The following B3GALT1 variants were observed in gnomAD, a reference collection of about 807,000 sequenced individuals.
B3GALT1 encodes UDP-Gal:betaGlcNAc beta 1,3-galactosyltransferase, polypeptide 1.
In B3GALT1, 10 loss-of-function variants were observed where a neutral mutation model predicts 23.2. That is an observed-to-expected ratio of 0.43 (90% CI 0.27 to 0.73). B3GALT1 has a LOEUF of 0.73. Among genes scored for constraint, B3GALT1 ranks in the 30% least tolerant of loss-of-function variants. B3GALT1 has a pLI of 0.21. For synonymous variants in B3GALT1, 156 were observed against 141.5 expected (o/e 1.10, Z -0.73); for missense variants, 299 against 405.4 (o/e 0.74, Z 2.25).
chr2:167,764,682 T>A (rs1010797538), intron 3 of B3GALT1, among the ~76,000 whole-genome samples: 1 of 152,234 alleles, frequency 6.6e-6, no homozygotes, highest in Non-Finnish European at 1.5e-5. Flanking sequence ...TTTTCTGATG[T>A]ATTTCACATT....
chr2:167,510,580 C>T (rs1168680106), intron 2 of B3GALT1, among the ~76,000 whole-genome samples: 1 of 152,056 alleles, frequency 6.6e-6, no homozygotes, highest in African/African-American at 2.4e-5. Flanking sequence ...CATTCTTTCC[C>T]AGATGTGTTA....
chr2:167,353,473 A>G (rs918377460), intron 1 of B3GALT1, among the ~76,000 whole-genome samples: 1 of 151,846 alleles, frequency 6.6e-6, no homozygotes, highest in Non-Finnish European at 1.5e-5. Flanking sequence ...AGATGGCCAA[A>G]TGGCTGTTTC....
chr2:167,739,824 C>CTCACAGCTGT (rs1687549526), intron 3 of B3GALT1, among the ~76,000 whole-genome samples: 1 of 151,094 alleles, frequency 6.6e-6, no homozygotes. Context: ...GGCACAGGGA[C>CTCACAGCTGT]TCACAGCTGT....
chr2:167,439,090 T>A (rs532360846), intron 1 of B3GALT1, among the ~76,000 whole-genome samples: 1 of 152,254 alleles, frequency 6.6e-6, no homozygotes, highest in Non-Finnish European at 1.5e-5. Flanking sequence ...TATTATTGCT[T>A]CTTTTTTCTT....
At chr2:167,298,650 G>T (rs1696395202) in intron 1 of B3GALT1, among the ~76,000 whole-genome samples, 3 of 152,116 alleles carry the variant, frequency 2.0e-5, no homozygotes, top group African/African-American at 7.2e-5. Flanking sequence ...GGATAGAATA[G>T]AATTGCTAAA....
intron 3 of B3GALT1, among the ~76,000 whole-genome samples, chr2:167,726,605 T>A (rs1475945729): frequency 6.6e-6 from 1 of 152,216 alleles, no homozygotes; most frequent in Non-Finnish European, 1.5e-5. Context: ...AGATTAAATA[T>A]TTTATATACT....
At chr2:167,774,908 A>G (rs1472405860) in intron 3 of B3GALT1, among the ~76,000 whole-genome samples, 3 of 152,264 alleles carry the variant, frequency 2.0e-5, no homozygotes, top group Non-Finnish European at 4.4e-5. Context: ...TGCAAATTAA[A>G]GTAGCAATAG....
At chr2:167,850,236 C>T (rs1689853276) in intron 4 of B3GALT1, among the ~76,000 whole-genome samples, 1 of 152,136 alleles carries the variant, frequency 6.6e-6, no homozygotes, top group African/African-American at 2.4e-5. Flanking sequence ...GGGCTTAGGA[C>T]ATGCATAGAC....
chr2:167,528,082 C>A (rs11897803), intron 2 of B3GALT1, among the ~76,000 whole-genome samples: 4,165 of 152,158 alleles, frequency 0.027, 155 homozygotes, highest in East Asian at 0.11. Context: ...CATTTTGCAG[C>A]CCTCGTGGAG....
At chr2:167,326,074 C>T (rs2105496620) in intron 1 of B3GALT1, among the ~76,000 whole-genome samples, 1 of 114,394 alleles carries the variant, frequency 8.7e-6, no homozygotes, top group South Asian at 3.2e-4. Flanking sequence ...TCTATACATG[C>T]TCACCAATAT....
chr2:167,434,855 A>G (rs975607232), intron 1 of B3GALT1, among the ~76,000 whole-genome samples: 2 of 152,080 alleles, frequency 1.3e-5, no homozygotes, highest in African/African-American at 4.8e-5. Flanking sequence ...TGTGTCACCC[A>G]TATCTCTCTC....
intron 3 of B3GALT1, among the ~76,000 whole-genome samples, chr2:167,688,683 T>G (rs1459208376): frequency 6.6e-6 from 1 of 151,988 alleles, no homozygotes; most frequent in Non-Finnish European, 1.5e-5. Flanking sequence ...AACTAACATC[T>G]TTATCATCAG....
chr2:167,482,063 G>T (rs1468013399), intron 1 of B3GALT1, among the ~76,000 whole-genome samples: 1 of 152,010 alleles, frequency 6.6e-6, no homozygotes, highest in Non-Finnish European at 1.5e-5. Flanking sequence ...GCTGTAGAAG[G>T]GTAGGAAATG....
chr2:167,805,644 G>A (rs981110930), intron 3 of B3GALT1, among the ~76,000 whole-genome samples: 3 of 152,114 alleles, frequency 2.0e-5, no homozygotes, highest in East Asian at 1.9e-4. Flanking sequence ...TTGTAGATAC[G>A]TGGCATTATT....
chr2:167,409,010 A>G (rs1002285714), intron 1 of B3GALT1, among the ~76,000 whole-genome samples: 5 of 152,200 alleles, frequency 3.3e-5, no homozygotes, highest in Admixed American at 1.3e-4. Flanking sequence ...TTACAGAAAT[A>G]GAAAAAGAAA....
intron 3 of B3GALT1, among the ~76,000 whole-genome samples, chr2:167,687,506 A>G (rs1473842349): frequency 6.6e-6 from 1 of 152,212 alleles, no homozygotes. Context: ...AAAGAAAAGA[A>G]GAAGAGAAGA....
intron 3 of B3GALT1, among the ~76,000 whole-genome samples, chr2:167,702,306 T>C (rs1686892700): frequency 6.6e-6 from 1 of 152,186 alleles, no homozygotes; most frequent in South Asian, 2.1e-4. Context: ...TTCCTATACC[T>C]GCCAAATATT....
chr2:167,610,910 CAAA>C (rs67057122), intron 2 of B3GALT1, among the ~76,000 whole-genome samples: 1,152 of 91,968 alleles, frequency 0.013, 8 homozygotes, highest in South Asian at 0.044. Flanking sequence ...TTTATTTGTA[CAAA>C]AAAAAAAAAA....
chr2:167,690,671 G>A (rs553837722), intron 3 of B3GALT1, among the ~76,000 whole-genome samples: 3 of 152,212 alleles, frequency 2.0e-5, no homozygotes, highest in African/African-American at 7.2e-5. Context: ...ATTTACAAGA[G>A]CTGAAATAGT....
Sources: gnomAD v4.1 joint callset for allele counts (sites outside exome capture counted in the v4.1 genomes callset) on GRCh38, gnomAD v4.1.1 for gene constraint, MANE v1.5 for transcripts, NCBI Gene and HGNC (gene_info 2026-07-23, HGNC 2026-07-21) for gene names.